SCP2: variants seen among roughly 807,000 people sequenced by gnomAD.
SCP2 encodes SCP-2/3-oxoacyl-CoA thiolase.
SCP2 carries 48 observed loss-of-function variants against 71.4 expected under a neutral mutation model. That is an observed-to-expected ratio of 0.67 (90% CI 0.53 to 0.86). The LOEUF (loss-of-function observed/expected upper bound fraction) is 0.86. Among genes scored for constraint, SCP2 ranks in the 40% least tolerant of loss-of-function variants. SCP2 has a pLI of 0.00. For synonymous variants in SCP2, 220 were observed against 218.1 expected (o/e 1.01, Z -0.08); for missense variants, 560 against 655.6 (o/e 0.85, Z 1.59).
At chr1:52,973,533 G>A (rs917069891) in intron 6 of SCP2, among the ~76,000 whole-genome samples, 1 of 152,058 alleles carries the variant, frequency 6.6e-6, no homozygotes, top group African/African-American at 2.4e-5. Flanking sequence ...CACATAATTT[G>A]ACTTGTCTTA....
intron 13 of SCP2, among the ~76,000 whole-genome samples, chr1:53,035,062 G>T (rs142094477): frequency 6.6e-6 from 1 of 151,502 alleles, no homozygotes; most frequent in Non-Finnish European, 1.5e-5. Flanking sequence ...CTGAGATCAC[G>T]CCACTGCACT....
At chr1:53,007,702 A>G (rs1200047949) in intron 11 of SCP2, among the ~76,000 whole-genome samples, 2 of 152,332 alleles carry the variant, frequency 1.3e-5, no homozygotes, top group Admixed American at 6.5e-5. Flanking sequence ...ACACCCTAAC[A>G]TCACAATTAA....
At chr1:53,042,358 C>A (rs1663499812) in intron 14 of SCP2, among the ~76,000 whole-genome samples, 1 of 150,272 alleles carries the variant, frequency 6.7e-6, no homozygotes, top group Non-Finnish European at 1.5e-5. Context: ...TTAATTTCTC[C>A]TTTTCCTCCT....
intron 5 of SCP2, among the ~76,000 whole-genome samples, chr1:52,955,604 G>C (rs1213858271): frequency 6.6e-6 from 1 of 152,104 alleles, no homozygotes; most frequent in Non-Finnish European, 1.5e-5. Flanking sequence ...TGGGATCACT[G>C]CCAACATTCT....
intron 6 of SCP2, among the ~76,000 whole-genome samples, chr1:52,973,614 C>G (rs2150161315): frequency 6.6e-6 from 1 of 152,312 alleles, no homozygotes; most frequent in South Asian, 2.1e-4. Context: ...CACGCTGTCA[C>G]CTAGGCTGGA....
chr1:53,008,983 A>G (rs1660812533), intron 11 of SCP2, among the ~76,000 whole-genome samples: 1 of 152,216 alleles, frequency 6.6e-6, no homozygotes, highest in African/African-American at 2.4e-5. Flanking sequence ...CTATACACCA[A>G]TAACAGACAA....
chr1:52,977,144 T>TA (rs550601083), intron 8 of SCP2, among the ~76,000 whole-genome samples: 66 of 152,298 alleles, frequency 4.3e-4, no homozygotes, highest in Middle Eastern at 3.4e-3. Context: ...TGAGTAAAAG[T>TA]AAAACAAGGA....
intron 13 of SCP2, among the ~76,000 whole-genome samples, chr1:53,033,543 T>TG (rs1327655705): frequency 1.4e-5 from 2 of 144,686 alleles, no homozygotes; most frequent in Non-Finnish European, 3.0e-5. Flanking sequence ...AGGCAGACGT[T>TG]GCAGTGAGCT....
intron 12 of SCP2, among the ~76,000 whole-genome samples, chr1:53,023,888 T>G (rs1399352497): frequency 6.6e-6 from 1 of 152,180 alleles, no homozygotes; most frequent in Admixed American, 6.5e-5. Flanking sequence ...TTACTTTGCC[T>G]TATACTTTGT....
At chr1:52,969,325 A>C (rs556903191) in intron 6 of SCP2, among the ~76,000 whole-genome samples, 19 of 151,680 alleles carry the variant, frequency 1.3e-4, no homozygotes, top group African/African-American at 4.4e-4. Flanking sequence ...CCAGGAGTTC[A>C]AGACCAGCCT....
At chr1:52,981,678 C>T (rs1330463289) in intron 10 of SCP2, among the ~76,000 whole-genome samples, 10 of 151,540 alleles carry the variant, frequency 6.6e-5, no homozygotes, top group South Asian at 2.1e-4. Context: ...GTGATCCACC[C>T]GCCTCAGCCT....
At chr1:53,049,884 C>A (rs1443295990) in intron 15 of SCP2, 1 of 151,502 alleles carries the variant, frequency 6.6e-6, no homozygotes, top group Admixed American at 6.6e-5. Flanking sequence ...CTACCAGAAG[C>A]TTTTTTTTTA....
At chr1:52,976,841 A>G in intron 8 of SCP2, 72 bp downstream of exon 8, 1 of 824,848 alleles carries the variant, frequency 1.2e-6, no homozygotes, top group South Asian at 1.3e-5. Flanking sequence ...CCTGTGGTTA[A>G]ACCTTAGGCT....
At chr1:52,951,035 C>A in intron 4 of SCP2, 149 bp downstream of exon 4, 1 of 857,160 alleles carries the variant, frequency 1.2e-6, no homozygotes, top group Non-Finnish European at 1.9e-6. Context: ...AACCCTAGCA[C>A]TTTGGGAGGC....
chr1:52,941,503 G>A (rs183803829), intron 1 of SCP2, among the ~76,000 whole-genome samples: 23 of 152,074 alleles, frequency 1.5e-4, no homozygotes, highest in African/African-American at 2.7e-4. Context: ...TTGGGAGGCC[G>A]AGGCAGGCAG....
chr1:52,930,530 C>G (rs1240321305), intron 1 of SCP2, among the ~76,000 whole-genome samples: 1 of 151,946 alleles, frequency 6.6e-6, no homozygotes, highest in Admixed American at 6.6e-5. Flanking sequence ...GGAGGCTTAT[C>G]TGGGAGGATC....
chr1:53,013,446 A>AAAAT (rs1254410578), intron 11 of SCP2, among the ~76,000 whole-genome samples: 5,246 of 109,478 alleles, frequency 0.048, 314 homozygotes, highest in East Asian at 0.25. Flanking sequence ...AAAAAAAAAA[A>AAAAT]TAGCTGGGAG....
At chr1:53,012,906 G>T (rs1363344777) in intron 11 of SCP2, among the ~76,000 whole-genome samples, 1 of 152,096 alleles carries the variant, frequency 6.6e-6, no homozygotes, top group African/African-American at 2.4e-5. Context: ...GTTCTTTTGT[G>T]AAGACAACTA....
At chr1:52,959,270 A>G (rs995900986) in intron 5 of SCP2, among the ~76,000 whole-genome samples, 1 of 151,048 alleles carries the variant, frequency 6.6e-6, no homozygotes, top group Non-Finnish European at 1.5e-5. Flanking sequence ...GTCTTGGCTC[A>G]CCGCAACCTC....
Sources: gnomAD v4.1 joint callset for allele counts (sites outside exome capture counted in the v4.1 genomes callset) on GRCh38, gnomAD v4.1.1 for gene constraint, MANE v1.5 for transcripts, NCBI Gene and HGNC (gene_info 2026-07-23, HGNC 2026-07-21) for gene names.